Variants in RBFOX1 observed in about 807,000 individuals in gnomAD.
RBFOX1 encodes the protein RNA binding fox-1 homolog 1, also known as RNA binding protein fox-1 homolog 1.
Under a neutral mutation model 57.7 loss-of-function variants are expected in RBFOX1, and 8 were observed. The observed-to-expected ratio is 0.14, with a 90% CI of 0.08 to 0.25. The LOEUF is 0.25. Ranked by LOEUF, RBFOX1 falls within the 10% of genes least tolerant of loss-of-function variation. RBFOX1 has a pLI of 1.00. For missense variants in RBFOX1, 611 were observed against 548.5 expected, an observed-to-expected ratio of 1.11 and a Z score of -1.14; for synonymous variants, 326 against 222.4, an observed-to-expected ratio of 1.47 and a Z score of -4.15.
intron 3 of RBFOX1, among the ~76,000 whole-genome samples, chr16:6,757,589 T>C (rs897770698): frequency 6.6e-6 from 1 of 151,972 alleles, no homozygotes; most frequent in Non-Finnish European, 1.5e-5. Flanking sequence ...ATGTGGGAGC[T>C]AAAAAAGTTG....
chr16:7,339,434 G>T (rs2096851829), intron 4 of RBFOX1, among the ~76,000 whole-genome samples: 1 of 152,058 alleles, frequency 6.6e-6, no homozygotes, highest in Non-Finnish European at 1.5e-5. Flanking sequence ...AGAGAGGAAA[G>T]ATATTTATGT....
intron 4 of RBFOX1, among the ~76,000 whole-genome samples, chr16:5,899,367 C>A (rs1484698275): frequency 6.6e-6 from 1 of 152,078 alleles, no homozygotes; most frequent in Non-Finnish European, 1.5e-5. Flanking sequence ...GGGAAACTGA[C>A]CTGGTCCATT....
intron 4 of RBFOX1, among the ~76,000 whole-genome samples, chr16:7,289,485 TATC>T (rs1362990492): frequency 5.3e-5 from 8 of 151,810 alleles, no homozygotes; most frequent in East Asian, 1.9e-4. Context: ...CCATTATGAT[TATC>T]ATCATCGTTA....
At chr16:7,195,751 C>A (rs779913189) in intron 4 of RBFOX1, among the ~76,000 whole-genome samples, 6 of 152,124 alleles carry the variant, frequency 3.9e-5, no homozygotes, top group Non-Finnish European at 8.8e-5. Flanking sequence ...CGGGATTTCA[C>A]CGTGTTGGCC....
chr16:7,058,158 A>C (rs533273689), intron 4 of RBFOX1, among the ~76,000 whole-genome samples: 2 of 152,198 alleles, frequency 1.3e-5, no homozygotes, highest in South Asian at 4.2e-4. Flanking sequence ...CACCTACCGC[A>C]CGTCTTACTC....
rs551250310 is a variant in RBFOX1, at chr16:7,398,709, C to T, written c.28-119438C>T. 2.6e-5 allele frequency among the ~76,000 whole-genome samples: 4 copies of T among 152,294 alleles called. No individual in the cohort carries two copies. The East Asian group carries it at 5.8e-4, about 22-fold the overall frequency. Reference sequence around the variant, plus strand: ...GCTATGACCAGGCAACTTCCGTAGTCGGGGCATGTGCTGAGTCTGACTACA... The same window carrying T: ...GCTATGACCAGGCAACTTCCGTAGTTGGGGCATGTGCTGAGTCTGACTACA... On this transcript the variant is annotated intron_variant, in intron 4 of 15. Transcript: ENST00000550418.
intron 3 of RBFOX1, among the ~76,000 whole-genome samples, chr16:5,813,924 C>T (rs1272289009): frequency 6.6e-6 from 1 of 152,176 alleles, no homozygotes; most frequent in Non-Finnish European, 1.5e-5. Context: ...TTAGGATTGG[C>T]TTATCGTAGG....
intron 4 of RBFOX1, among the ~76,000 whole-genome samples, chr16:7,231,138 T>A (rs926395094): frequency 3.9e-5 from 6 of 152,126 alleles, no homozygotes; most frequent in Non-Finnish European, 5.9e-5. Context: ...ATAGGTTTTG[T>A]CTCCATGGTA....
chr16:6,943,540 C>T (rs571758263), intron 3 of RBFOX1, among the ~76,000 whole-genome samples: 1 of 152,064 alleles, frequency 6.6e-6, no homozygotes, highest in South Asian at 2.1e-4. Flanking sequence ...AACCCCATCT[C>T]TACTAAAAAT....
chr16:6,296,731 A>G (rs2078161322), intron 1 of RBFOX1, among the ~76,000 whole-genome samples: 1 of 152,150 alleles, frequency 6.6e-6, no homozygotes. Context: ...GTGTATTTTA[A>G]GAATACTTAG....
intron 1 of RBFOX1, among the ~76,000 whole-genome samples, chr16:6,074,424 T>C (rs994020572): frequency 3.9e-5 from 6 of 152,240 alleles, no homozygotes; most frequent in Admixed American, 3.3e-4. Flanking sequence ...TCATGATCCA[T>C]CCCTGAACCA....
At chr16:5,336,468 G>T (rs760187107) in intron 1 of RBFOX1, among the ~76,000 whole-genome samples, 1 of 152,210 alleles carries the variant, frequency 6.6e-6, no homozygotes, top group African/African-American at 2.4e-5. Context: ...ATGAGATCAT[G>T]CATGGGGGTG....
chr16:6,552,158 T>C (rs899907753), intron 2 of RBFOX1, among the ~76,000 whole-genome samples: 13 of 152,338 alleles, frequency 8.5e-5, no homozygotes, highest in African/African-American at 2.9e-4. Context: ...CCCACATTTT[T>C]AAAAGTTGGA....
At chr16:5,773,984 G>A (rs2054063785) in intron 3 of RBFOX1, among the ~76,000 whole-genome samples, 1 of 152,122 alleles carries the variant, frequency 6.6e-6, no homozygotes, top group Non-Finnish European at 1.5e-5. Flanking sequence ...GAGCCACCAT[G>A]CTTGGCCTGC....
intron 2 of RBFOX1, among the ~76,000 whole-genome samples, chr16:6,542,578 C>T (rs1365439186): frequency 1.4e-5 from 2 of 143,784 alleles, no homozygotes; most frequent in Admixed American, 7.3e-5. Flanking sequence ...CAAGCTCCGC[C>T]TCCTGGGTTC....
chr16:6,650,162 C>T (rs550317881), intron 2 of RBFOX1, among the ~76,000 whole-genome samples: 1 of 152,312 alleles, frequency 6.6e-6, no homozygotes. Flanking sequence ...TTTGTAATAA[C>T]TGTAAGAATA....
chr16:7,295,655 C>G (rs934474520), intron 4 of RBFOX1, among the ~76,000 whole-genome samples: 23 of 152,048 alleles, frequency 1.5e-4, no homozygotes, highest in African/African-American at 5.1e-4. Flanking sequence ...AAAAGGTGTA[C>G]TGCTCACTAC....
chr16:6,973,512 TAGG>T (rs758845182), intron 3 of RBFOX1, among the ~76,000 whole-genome samples: 1 of 152,216 alleles, frequency 6.6e-6, no homozygotes, highest in Non-Finnish European at 1.5e-5. Flanking sequence ...CTCCTATTTC[TAGG>T]AGAAGCTCAA....
At chr16:5,599,013 T>C (rs1438737421) in exon 3 of RBFOX1, 1 of 1,416,246 alleles carries the variant, frequency 7.1e-7, no homozygotes, top group Non-Finnish European at 9.6e-7. Context: ...TACTTTTGCA[T>C]CCTTTTCAGC....
Sources: allele counts gnomAD v4.1 joint callset (sites outside exome capture counted in the v4.1 genomes callset), GRCh38; gene constraint gnomAD v4.1.1; transcripts MANE v1.5; gene names NCBI Gene and HGNC (gene_info 2026-07-23, HGNC 2026-07-21).